The following EFCAB6 variants were observed in gnomAD, a reference collection of about 807,000 sequenced individuals.
EFCAB6 encodes the protein EF-hand calcium binding domain 6, also known as EF-hand calcium-binding domain-containing protein 6.
In EFCAB6, 156 loss-of-function variants were observed where a neutral mutation model predicts 169.8. That is an observed-to-expected ratio of 0.92 (90% CI 0.81 to 1.05). The LOEUF is 1.05. EFCAB6 is among the 50% of genes least tolerant of loss of function. The pLI is 0.00. For synonymous variants in EFCAB6, 698 were observed against 676.4 expected (o/e 1.03, Z -0.50); for missense variants, 1,800 against 1,829.1 (o/e 0.98, Z 0.29).
intron 24 of EFCAB6, among the ~76,000 whole-genome samples, chr22:43,586,220 G>A (rs746282307): frequency 6.6e-6 from 1 of 152,062 alleles, no homozygotes; most frequent in Admixed American, 6.6e-5. Context: ...GTACAGAAGG[G>A]AGAAATTGGA....
At chr22:43,618,412 C>T (rs2053891176) in intron 20 of EFCAB6, among the ~76,000 whole-genome samples, 1 of 152,030 alleles carries the variant, frequency 6.6e-6, no homozygotes, top group South Asian at 2.1e-4. Context: ...GAGGTGCTTC[C>T]GGTCCCAGTT....
chr22:43,623,003 T>G (rs73172067), intron 20 of EFCAB6, among the ~76,000 whole-genome samples: 2 of 152,126 alleles, frequency 1.3e-5, no homozygotes, highest in East Asian at 3.9e-4. Flanking sequence ...GCAAGAAAAT[T>G]TGAGAAAGGA....
chr22:43,627,556 C>T (rs1283203453), intron 19 of EFCAB6, among the ~76,000 whole-genome samples: 1 of 152,212 alleles, frequency 6.6e-6, no homozygotes, highest in East Asian at 1.9e-4. Context: ...GTTGCACTTG[C>T]CATTTGCCTA....
At chr22:43,621,707 A>C (rs956717954) in intron 20 of EFCAB6, among the ~76,000 whole-genome samples, 4 of 152,116 alleles carry the variant, frequency 2.6e-5, no homozygotes, top group African/African-American at 9.6e-5. Context: ...AAAATCAATA[A>C]AATTGAAATC....
chr22:43,670,249 C>G (rs983709079), intron 15 of EFCAB6, among the ~76,000 whole-genome samples: 3 of 152,122 alleles, frequency 2.0e-5, no homozygotes, highest in Non-Finnish European at 4.4e-5. Context: ...AAAAATGTCT[C>G]AGTTTTAATT....
intron 8 of EFCAB6, among the ~76,000 whole-genome samples, chr22:43,718,310 C>T (rs2059404638): frequency 6.6e-6 from 1 of 152,188 alleles, no homozygotes; most frequent in Admixed American, 6.5e-5. Context: ...AATGGTTTCC[C>T]AGATTTATTT....
At chr22:43,534,581 A>T in intron 30 of EFCAB6, 107 bp downstream of exon 30, 2 of 1,069,574 alleles carry the variant, frequency 1.9e-6, no homozygotes, top group Non-Finnish European at 2.6e-6. Flanking sequence ...ACCGTGAACC[A>T]CTGTTCTCCA....
chr22:43,746,570 T>TA (rs1380890648), intron 6 of EFCAB6, among the ~76,000 whole-genome samples: 6 of 152,136 alleles, frequency 3.9e-5, no homozygotes, highest in Non-Finnish European at 5.9e-5. Context: ...CCATTGAGCT[T>TA]ACGATACAGC....
chr22:43,585,809 T>C (rs566022402), intron 24 of EFCAB6, among the ~76,000 whole-genome samples: 76 of 152,262 alleles, frequency 5.0e-4, no homozygotes, highest in African/African-American at 1.6e-3. Context: ...AGATAATGAA[T>C]TATAAACATC....
chr22:43,778,956 T>A (rs1214354705), intron 3 of EFCAB6, among the ~76,000 whole-genome samples: 1 of 151,860 alleles, frequency 6.6e-6, no homozygotes, highest in Non-Finnish European at 1.5e-5. Context: ...AAAACAGTCA[T>A]CAGAAGAACA....
At chr22:43,627,240 G>C (rs1377700763) in intron 19 of EFCAB6, among the ~76,000 whole-genome samples, 1 of 152,128 alleles carries the variant, frequency 6.6e-6, no homozygotes, top group East Asian at 1.9e-4. Flanking sequence ...GAGGGCACAG[G>C]GATTCCTATT....
intron 10 of EFCAB6, among the ~76,000 whole-genome samples, chr22:43,708,461 G>A (rs1278963512): frequency 2.6e-5 from 4 of 151,742 alleles, no homozygotes; most frequent in African/African-American, 9.7e-5. Flanking sequence ...AAAAAGAAGA[G>A]CAGAAGAAAT....
Position 43,637,294 on chromosome 22 carries a change from G to A in EFCAB6, c.1984-2078C>T, listed in dbSNP as rs150168599. ...GAAGCCTCTTGGCTGCAGTCTGGAC[G>A]TGGTTCTTGGCAATAGGGCACTCCA... On this transcript the variant is annotated intron_variant, in intron 17 of 31. Coordinates refer to ENST00000262726, the MANE Select transcript of EFCAB6 (RefSeq NM_022785.4). Among the ~76,000 whole-genome samples, 800 of 152,316 alleles carry A rather than the reference G, an allele frequency of 5.3e-3. 5 individuals are homozygous for A. The highest frequency in any genetic ancestry group is 0.018 in the African/African-American group (758 of 41,572).
intron 6 of EFCAB6, among the ~76,000 whole-genome samples, chr22:43,745,868 C>T (rs1569464840): frequency 6.6e-6 from 1 of 152,164 alleles, no homozygotes; most frequent in Non-Finnish European, 1.5e-5. Flanking sequence ...AGATATGAAG[C>T]ACTATTCAGG....
At chr22:43,649,655 A>G (rs1282991138) in intron 17 of EFCAB6, among the ~76,000 whole-genome samples, 2 of 152,334 alleles carry the variant, frequency 1.3e-5, no homozygotes, top group African/African-American at 4.8e-5. Flanking sequence ...GAGAATGGCT[A>G]ATGTTCTGCT....
chr22:43,672,382 G>A, intron 13 of EFCAB6, 77 bp from the exon 14 acceptor site: 2 of 1,490,550 alleles, frequency 1.3e-6, no homozygotes, highest in South Asian at 2.4e-5. Context: ...AGGTGGACCT[G>A]GACTGGAATC....
chr22:43,569,616 C>T (rs1457714311), intron 26 of EFCAB6, among the ~76,000 whole-genome samples: 1 of 152,206 alleles, frequency 6.6e-6, no homozygotes, highest in African/African-American at 2.4e-5. Context: ...AATACTCCTT[C>T]TGCCTTAGCG....
At chr22:43,766,369 ATTGT>A (rs1483831425) in intron 4 of EFCAB6, among the ~76,000 whole-genome samples, 2 of 152,132 alleles carry the variant, frequency 1.3e-5, no homozygotes, top group African/African-American at 4.8e-5. Context: ...ATATGTGTAC[ATTGT>A]TTGTGTATGT....
chr22:43,757,979 G>A (rs1261191361), intron 5 of EFCAB6, among the ~76,000 whole-genome samples: 3 of 152,022 alleles, frequency 2.0e-5, no homozygotes, highest in Admixed American at 6.6e-5. Flanking sequence ...TCTCTTACTG[G>A]ATTTCACTAT....
Sources: gnomAD v4.1 joint callset for allele counts (sites outside exome capture counted in the v4.1 genomes callset) on GRCh38, gnomAD v4.1.1 for gene constraint, MANE v1.5 for transcripts, NCBI Gene and HGNC (gene_info 2026-07-23, HGNC 2026-07-21) for gene names.